The following RNGTT variants were observed in gnomAD, a reference collection of about 807,000 sequenced individuals.
RNGTT encodes RNA guanylyltransferase and 5'-phosphatase.
A neutral mutation model predicts 79.3 loss-of-function variants in RNGTT; 33 were observed. That is an observed-to-expected ratio of 0.42 (90% CI 0.32 to 0.56). The LOEUF is 0.56. Among genes scored for constraint, RNGTT ranks in the 20% least tolerant of loss-of-function variants. The pLI is 0.17. For synonymous variants in RNGTT, 222 were observed against 235.9 expected, an observed-to-expected ratio of 0.94 and a Z score of 0.54; for missense variants, 497 against 739.1, an observed-to-expected ratio of 0.67 and a Z score of 3.80.
intron 8 of RNGTT, among the ~76,000 whole-genome samples, chr6:88,854,363 T>C (rs1431042056): frequency 6.6e-6 from 1 of 152,222 alleles, no homozygotes. Context: ...AGAATGGTTC[T>C]CTAATTTTTA....
chr6:88,961,353 G>GTA (rs574327828), intron 1 of RNGTT, among the ~76,000 whole-genome samples: 102 of 151,056 alleles, frequency 6.8e-4, no homozygotes, highest in African/African-American at 1.9e-3. Flanking sequence ...GTGTGTGTGT[G>GTA]TATATATATA....
chr6:88,713,136 G>A (rs1171489626), intron 13 of RNGTT, among the ~76,000 whole-genome samples: 1 of 152,100 alleles, frequency 6.6e-6, no homozygotes, highest in Non-Finnish European at 1.5e-5. Context: ...ATGAGGTGGT[G>A]GGGCCTTTGT....
intron 12 of RNGTT, among the ~76,000 whole-genome samples, chr6:88,774,555 A>C (rs770342605): frequency 6.6e-6 from 1 of 152,226 alleles, no homozygotes; most frequent in Non-Finnish European, 1.5e-5. Context: ...ACAAAAATTA[A>C]AAGGTAAAGA....
chr6:88,887,692 G>A (rs372415009), intron 8 of RNGTT, among the ~76,000 whole-genome samples: 1 of 152,084 alleles, frequency 6.6e-6, no homozygotes. Context: ...CAGAGAAAGG[G>A]GTACACAACT....
At chr6:88,697,154 T>C (rs566469072) in intron 13 of RNGTT, among the ~76,000 whole-genome samples, 62 of 152,270 alleles carry the variant, frequency 4.1e-4, no homozygotes, top group Non-Finnish European at 6.8e-4. Flanking sequence ...ATAATCAAAA[T>C]ACAAAGAATC....
At chr6:88,698,260 A>AAAAT (rs1562202296) in intron 13 of RNGTT, among the ~76,000 whole-genome samples, 1 of 95,424 alleles carries the variant, frequency 1.0e-5, no homozygotes, top group African/African-American at 9.2e-5. Context: ...TATATATATA[A>AAAAT]ATATATATGA....
In RNGTT at chr6:88,721,322, A is replaced by G. The variant is rs530855880; in HGVS notation, c.1440-42903T>C. 1.2e-3 allele frequency among the ~76,000 whole-genome samples: 184 copies of G among 152,162 alleles called. 1 individual carries two copies. Among genetic ancestry groups the G allele is most frequent in the African/African-American group, 4.1e-3 (171 of 41,532 alleles). Reference sequence around the variant, plus strand: ...ATCAAATTAGTAATCTACTCTTATAATATTTATTACATTTTGGTTGATGAT... The same window carrying G: ...ATCAAATTAGTAATCTACTCTTATAGTATTTATTACATTTTGGTTGATGAT... On this transcript the variant is annotated intron_variant, in intron 13 of 15. Transcript: ENST00000369485.
Position 88,758,872 on chromosome 6 carries a change from T to C in RNGTT, c.1439+10902A>G, listed in dbSNP as rs139448502. Among the ~76,000 whole-genome samples the C allele has an allele frequency of 1.2e-4, 18 of 152,310 alleles. No individual in the cohort carries two copies. In the East Asian group the frequency reaches 3.5e-3, roughly 29 times the overall value. ...TTCTTTTTTATTTATTTTTGCTGTA[T>C]TTTATTTATTTATTTTTTTATTATA... On this transcript the variant is annotated intron_variant, in intron 13 of 15. Coordinates refer to ENST00000369485, the MANE Select transcript of RNGTT (RefSeq NM_003800.5).
intron 13 of RNGTT, among the ~76,000 whole-genome samples, chr6:88,699,281 A>T (rs1227212225): frequency 1.3e-5 from 2 of 152,234 alleles, no homozygotes; most frequent in Non-Finnish European, 2.9e-5. Context: ...TAATTAAAAC[A>T]GCAATTTCAT....
intron 8 of RNGTT, among the ~76,000 whole-genome samples, chr6:88,874,149 A>C (rs750204925): frequency 3.9e-5 from 6 of 152,150 alleles, no homozygotes; most frequent in African/African-American, 7.2e-5. Flanking sequence ...ACTCATTTGC[A>C]TTAATTACCA....
intron 10 of RNGTT, among the ~76,000 whole-genome samples, chr6:88,846,481 C>T (rs1246214768): frequency 6.6e-6 from 1 of 152,212 alleles, no homozygotes; most frequent in Non-Finnish European, 1.5e-5. Flanking sequence ...GTGCAGATGG[C>T]TCACACCTGT....
At chr6:88,642,136 C>T (rs1402774535) in intron 14 of RNGTT, among the ~76,000 whole-genome samples, 1 of 151,982 alleles carries the variant, frequency 6.6e-6, no homozygotes, top group Non-Finnish European at 1.5e-5. Flanking sequence ...CAGGTCAAAG[C>T]TTATGGATGT....
chr6:88,712,275 T>G (rs1482793744), intron 13 of RNGTT, among the ~76,000 whole-genome samples: 1 of 152,162 alleles, frequency 6.6e-6, no homozygotes, highest in African/African-American at 2.4e-5. Context: ...AAGAATTAAT[T>G]TGGACTCGGG....
At chr6:88,778,382 C>A (rs971828641) in intron 12 of RNGTT, among the ~76,000 whole-genome samples, 2 of 151,076 alleles carry the variant, frequency 1.3e-5, no homozygotes, top group Admixed American at 1.3e-4. Flanking sequence ...GAGGGTGGGG[C>A]CATATTATAA....
rs201096637 is a variant in RNGTT, at chr6:88,849,775, A to G, written c.1084T>C (p.Tyr362His). Reference protein sequence around the residue: ...NGQAVPRYLIYDIIKFNSQPV... With the variant: ...NGQAVPRYLIHDIIKFNSQPV... ...CTTACATTGAATTTAATTATGTCAT[A>G]TATCAAATATCTAGGAACAGCCTGT... Residue 362 changes from tyrosine to histidine, a missense_variant, in exon 10 of 16, where the codon TAT becomes CAT. By Grantham distance (83) the Tyr-to-His change is moderately conservative. Transcript: ENST00000369485. The G allele has an allele frequency of 1.2e-5, 18 of 1,563,106 alleles. No homozygotes were observed. Among genetic ancestry groups the G allele is most frequent in the Non-Finnish European group, 2.6e-6 (3 of 1,154,514 alleles).
chr6:88,715,573 A>T (rs1776481167), intron 13 of RNGTT, among the ~76,000 whole-genome samples: 1 of 152,226 alleles, frequency 6.6e-6, no homozygotes, highest in African/African-American at 2.4e-5. Flanking sequence ...CCATGTTACA[A>T]GGCTACAGTA....
intron 13 of RNGTT, among the ~76,000 whole-genome samples, chr6:88,758,431 C>T (rs1415347472): frequency 6.6e-6 from 1 of 152,146 alleles, no homozygotes; most frequent in Admixed American, 6.5e-5. Flanking sequence ...ATTATACTTT[C>T]GTCGAAAGGT....
chr6:88,668,814 C>T (rs976261939), intron 14 of RNGTT, among the ~76,000 whole-genome samples: 7 of 151,942 alleles, frequency 4.6e-5, no homozygotes, highest in African/African-American at 1.7e-4. Flanking sequence ...GATGCCTGTG[C>T]AGTCATTAAT....
In RNGTT at chr6:88,914,931, A is replaced by G. The variant is rs572980995; in HGVS notation, c.368-8491T>C. ...AGGAACTTAATTCAACAAGCAAAAA[A>G]CAAATAAACCCATTAAAAAGTGGGA... On this transcript the variant is annotated intron_variant, in intron 4 of 15. Coordinates refer to ENST00000369485, the MANE Select transcript of RNGTT (RefSeq NM_003800.5). Among the ~76,000 whole-genome samples, 766 of 152,322 alleles carry G rather than the reference A, an allele frequency of 5.0e-3. 4 individuals carry two copies. The highest frequency in any genetic ancestry group is 0.017 in the African/African-American group (722 of 41,570).
Sources: gnomAD v4.1 joint callset for allele counts (sites outside exome capture counted in the v4.1 genomes callset) on GRCh38, gnomAD v4.1.1 for gene constraint, MANE v1.5 for transcripts, NCBI Gene and HGNC (gene_info 2026-07-23, HGNC 2026-07-21) for gene names.